ARHGAP6: variants seen among roughly 807,000 people sequenced by gnomAD.
ARHGAP6 encodes rho GTPase-activating protein 6.
ARHGAP6 carries 16 observed loss-of-function variants against 55.7 expected under a neutral mutation model. That is an observed-to-expected ratio of 0.29 (90% CI 0.19 to 0.44). The LOEUF is 0.44. ARHGAP6 is among the 20% of genes least tolerant of loss of function. The pLI is 1.00. For missense variants in ARHGAP6, 698 were observed against 808.9 expected (o/e 0.86, Z 1.66); for synonymous variants, 382 against 360.9 (o/e 1.06, Z -0.66).
At chrX:11,266,691 C>T (rs1401641190) in intron 1 of ARHGAP6, among the ~76,000 whole-genome samples, 1 of 111,778 alleles carries the variant, frequency 8.9e-6, no homozygotes, top group Non-Finnish European at 1.9e-5. Context: ...TTCCACATGG[C>T]ACTGAACCAA....
intron 1 of ARHGAP6, among the ~76,000 whole-genome samples, chrX:11,403,145 C>T (rs2049570010): frequency 8.9e-6 from 1 of 111,746 alleles, no homozygotes; most frequent in African/African-American, 3.3e-5. Context: ...GTATCCTCCC[C>T]ACCTGTGAAG....
At chrX:11,355,807 A>G (rs1231767633) in intron 1 of ARHGAP6, among the ~76,000 whole-genome samples, 1 of 111,491 alleles carries the variant, frequency 9.0e-6, no homozygotes, top group African/African-American at 3.3e-5. Context: ...TTAGAGGAGA[A>G]GGGGATGGCT....
chrX:11,316,687 C>T (rs2048363169), intron 1 of ARHGAP6, among the ~76,000 whole-genome samples: 1 of 112,054 alleles, frequency 8.9e-6, no homozygotes, highest in Non-Finnish European at 1.9e-5. Flanking sequence ...ATATTGCATC[C>T]TTTGACCAAC....
At chrX:11,309,078 G>A (rs1318780300) in intron 1 of ARHGAP6, among the ~76,000 whole-genome samples, 1 of 111,460 alleles carries the variant, frequency 9.0e-6, no homozygotes, top group Admixed American at 9.5e-5. Context: ...TCCCTCCAAC[G>A]CTATTACTTC....
At chrX:11,178,395 G>A (rs2046264148) in intron 7 of ARHGAP6, 147 bp from the exon 8 acceptor site, 12 of 675,483 alleles carry the variant, frequency 1.8e-5, no homozygotes, top group Non-Finnish European at 2.3e-5. Flanking sequence ...CATTGCTTTA[G>A]CAATTTACCA....
intron 2 of ARHGAP6, among the ~76,000 whole-genome samples, chrX:11,210,636 C>G (rs1446230913): frequency 8.9e-6 from 1 of 112,098 alleles, no homozygotes; most frequent in Non-Finnish European, 1.9e-5. Context: ...AGTGAAATTC[C>G]CCAGTTAGAC....
At chrX:11,150,858 G>T (rs1385048894) in intron 10 of ARHGAP6, among the ~76,000 whole-genome samples, 2 of 112,186 alleles carry the variant, frequency 1.8e-5, no homozygotes, top group African/African-American at 3.2e-5. Context: ...TTTGTTTCAG[G>T]TTCTATGACT....
At chrX:11,510,124 G>A (rs896530204) in intron 1 of ARHGAP6, among the ~76,000 whole-genome samples, 13 of 111,758 alleles carry the variant, frequency 1.2e-4, no homozygotes, top group African/African-American at 2.3e-4. Context: ...GACAGATATC[G>A]GATCAGGGCA....
chrX:11,424,132 G>T (rs1448968859), intron 1 of ARHGAP6, among the ~76,000 whole-genome samples: 1 of 112,386 alleles, frequency 8.9e-6, no homozygotes, highest in Non-Finnish European at 1.9e-5. Context: ...GTGGATCGCA[G>T]AGGGATGATT....
At chrX:11,366,732 T>G (rs768427509) in intron 1 of ARHGAP6, among the ~76,000 whole-genome samples, 107 of 111,971 alleles carry the variant, frequency 9.6e-4, no homozygotes, top group Non-Finnish European at 1.9e-3. Context: ...GGTGTTCAGT[T>G]TTCACAAGGG....
At chrX:11,635,006 T>G (rs2052402195) in intron 1 of ARHGAP6, among the ~76,000 whole-genome samples, 1 of 112,352 alleles carries the variant, frequency 8.9e-6, no homozygotes, top group Non-Finnish European at 1.9e-5. Flanking sequence ...TTAAGAGTTA[T>G]GAGACTGAGA....
chrX:11,151,377 G>A (rs2147277990), intron 10 of ARHGAP6, among the ~76,000 whole-genome samples: 1 of 109,022 alleles, frequency 9.2e-6, no homozygotes, highest in South Asian at 4.0e-4. Flanking sequence ...TGATCCTCCT[G>A]CCTCATCCTC....
chrX:11,155,647 G>T (rs1324595080), intron 10 of ARHGAP6, among the ~76,000 whole-genome samples: 1 of 111,957 alleles, frequency 8.9e-6, no homozygotes, highest in African/African-American at 3.3e-5. Context: ...CATAGGTCAT[G>T]GGAGAAACGT....
intron 1 of ARHGAP6, among the ~76,000 whole-genome samples, chrX:11,501,696 G>A (rs970901126): frequency 1.8e-5 from 2 of 111,526 alleles, no homozygotes; most frequent in African/African-American, 3.3e-5. Context: ...ATTATATACC[G>A]TATTCTTACA....
Position 11,518,485 on chromosome X carries a change from T to C in ARHGAP6, c.588+145756A>G, listed in dbSNP as rs528748640. On this transcript the variant is annotated intron_variant, in intron 1 of 12. Coordinates refer to ENST00000337414, the MANE Select transcript of ARHGAP6 (RefSeq NM_013427.3). ...TTCTTTTTTTTTTTTTTTTTTGACC[T>C]ACTGTCTTTCTTGGTCAGAATTTAA... Among the ~76,000 whole-genome samples, 78 of 88,113 alleles carry C rather than the reference T, an allele frequency of 8.9e-4. 2 individuals are homozygous for C. The South Asian group carries it at 0.043, about 49-fold the overall frequency. The allele number at this position is 88,113 out of a possible 115,157, so 76.5% of individuals were successfully genotyped here.
rs761910540 is a variant in ARHGAP6, at chrX:11,189,004, A to G, written c.821-20T>C. The G allele has an allele frequency of 8.3e-7, 1 of 1,203,085 alleles. No homozygotes were observed. The highest frequency in any genetic ancestry group is 2.2e-5 in the Admixed American group (1 of 45,383). ...TGAATTCTGGAATCAAAAAACAGAC[A>G]TTCACTTTCAGAGACTGACTGGTCC... On this transcript the variant is annotated intron_variant, in intron 3 of 12. Transcript: ENST00000337414.
At chrX:11,227,797 TTTC>T (rs2047073002) in intron 2 of ARHGAP6, among the ~76,000 whole-genome samples, 6 of 109,921 alleles carry the variant, frequency 5.5e-5, no homozygotes, top group African/African-American at 1.7e-4. Context: ...CTTTTTCTTT[TTTC>T]TTTTTTTTTT....
chrX:11,233,036 C>T (rs981394568), intron 2 of ARHGAP6, among the ~76,000 whole-genome samples: 7 of 112,526 alleles, frequency 6.2e-5, no homozygotes, highest in Non-Finnish European at 1.1e-4. Flanking sequence ...GGTGAATACA[C>T]AGCAATTCTC....
intron 1 of ARHGAP6, among the ~76,000 whole-genome samples, chrX:11,654,950 T>A (rs1012269521): frequency 3.6e-5 from 4 of 112,376 alleles, no homozygotes; most frequent in Non-Finnish European, 5.6e-5. Flanking sequence ...AGTGATTTTT[T>A]AAATATATTC....
Sources: gnomAD v4.1 joint callset for allele counts (sites outside exome capture counted in the v4.1 genomes callset) on GRCh38, gnomAD v4.1.1 for gene constraint, MANE v1.5 for transcripts, NCBI Gene and HGNC (gene_info 2026-07-23, HGNC 2026-07-21) for gene names.